Variants in SLC24A3 observed in about 807,000 individuals in gnomAD.
SLC24A3 encodes sodium/potassium/calcium exchanger 3.
SLC24A3 carries 28 observed loss-of-function variants against 75.8 expected under a neutral mutation model. That is an observed-to-expected ratio of 0.37 (90% CI 0.27 to 0.51). The LOEUF is 0.51. SLC24A3 is among the 20% of genes least tolerant of loss of function. The pLI is 0.94. For missense variants in SLC24A3, 663 were observed against 847.8 expected, an observed-to-expected ratio of 0.78 and a Z score of 2.71; for synonymous variants, 372 against 334.1, an observed-to-expected ratio of 1.11 and a Z score of -1.24.
chr20:19,401,602 T>G (rs1450258543), intron 2 of SLC24A3, among the ~76,000 whole-genome samples: 1 of 152,202 alleles, frequency 6.6e-6, no homozygotes, highest in Non-Finnish European at 1.5e-5. Context: ...AGGAACCTGA[T>G]TGGAGAGTGG....
intron 2 of SLC24A3, among the ~76,000 whole-genome samples, chr20:19,382,298 AGT>A (rs991003720): frequency 1.3e-5 from 2 of 152,194 alleles, no homozygotes; most frequent in Admixed American, 1.3e-4. Flanking sequence ...GCATGATCTG[AGT>A]GTGTGAAAAG....
intron 2 of SLC24A3, among the ~76,000 whole-genome samples, chr20:19,371,290 G>A (rs1323338362): frequency 6.6e-6 from 1 of 152,210 alleles, no homozygotes; most frequent in African/African-American, 2.4e-5. Flanking sequence ...TTTCAGCAAA[G>A]AGATACTAAT....
chr20:19,630,450 C>T (rs1260928939), intron 6 of SLC24A3, among the ~76,000 whole-genome samples: 5 of 152,104 alleles, frequency 3.3e-5, no homozygotes, highest in Non-Finnish European at 5.9e-5. Context: ...CTTACACTGA[C>T]CAGGTAACTC....
At chr20:19,462,808 T>C (rs781693541) in intron 2 of SLC24A3, among the ~76,000 whole-genome samples, 3 of 152,188 alleles carry the variant, frequency 2.0e-5, no homozygotes, top group African/African-American at 4.8e-5. Context: ...GGGGGCACCA[T>C]AGACCCCAGC....
At chr20:19,395,353 A>G (rs1012797079) in intron 2 of SLC24A3, among the ~76,000 whole-genome samples, 2 of 152,248 alleles carry the variant, frequency 1.3e-5, no homozygotes, top group Non-Finnish European at 2.9e-5. Flanking sequence ...TTTTATCACA[A>G]TTTTAAAAAG....
At chr20:19,543,236 G>A (rs2030531961) in intron 3 of SLC24A3, among the ~76,000 whole-genome samples, 1 of 152,176 alleles carries the variant, frequency 6.6e-6, no homozygotes, top group Non-Finnish European at 1.5e-5. Context: ...ACAGTACCAG[G>A]AAGTAGCCAC....
intron 2 of SLC24A3, among the ~76,000 whole-genome samples, chr20:19,449,170 C>T (rs944526446): frequency 1.3e-5 from 2 of 152,150 alleles, no homozygotes; most frequent in South Asian, 2.1e-4. Flanking sequence ...CTCAGAGTTA[C>T]GTCTCTGCAG....
At chr20:19,328,023 G>A (rs569157401) in intron 2 of SLC24A3, among the ~76,000 whole-genome samples, 1 of 152,168 alleles carries the variant, frequency 6.6e-6, no homozygotes, top group South Asian at 2.1e-4. Context: ...CAAGTTGGGG[G>A]GAGTTTGGAG....
intron 2 of SLC24A3, among the ~76,000 whole-genome samples, chr20:19,504,388 C>T (rs555450244): frequency 4.6e-5 from 7 of 152,314 alleles, no homozygotes; most frequent in South Asian, 4.1e-4. Flanking sequence ...TTAGCATGCA[C>T]ACTTCACCTT....
intron 2 of SLC24A3, among the ~76,000 whole-genome samples, chr20:19,427,287 A>G (rs1035753945): frequency 6.6e-6 from 1 of 152,222 alleles, no homozygotes; most frequent in East Asian, 1.9e-4. Flanking sequence ...GGATGAGATC[A>G]GTACACACAT....
At chr20:19,485,038 C>T (rs541496804) in intron 2 of SLC24A3, among the ~76,000 whole-genome samples, 7 of 152,284 alleles carry the variant, frequency 4.6e-5, no homozygotes, top group African/African-American at 1.7e-4. Context: ...TTGGCAATAG[C>T]ATGGGACTCA....
chr20:19,334,644 AAGT>A (rs1412079506), intron 2 of SLC24A3, among the ~76,000 whole-genome samples: 2 of 152,228 alleles, frequency 1.3e-5, no homozygotes, highest in Non-Finnish European at 2.9e-5. Flanking sequence ...AAGGCAACCC[AAGT>A]CAAGCCAATT....
At chr20:19,669,703 A>G (rs2032443813) in intron 8 of SLC24A3, among the ~76,000 whole-genome samples, 1 of 151,874 alleles carries the variant, frequency 6.6e-6, no homozygotes, top group Admixed American at 6.6e-5. Context: ...TGGGAGAGAA[A>G]AGAGACCCTG....
intron 10 of SLC24A3, 127 bp from the exon 11 acceptor site, chr20:19,684,049 A>G: frequency 1.9e-6 from 2 of 1,045,088 alleles, no homozygotes; most frequent in East Asian, 2.5e-5. Context: ...GAGTGGATAG[A>G]TGGATGGGTG....
At chr20:19,213,073 C>T in intron 1 of SLC24A3, 89 bp downstream of exon 1, 9 of 1,130,110 alleles carry the variant, frequency 8.0e-6, no homozygotes, top group Non-Finnish European at 8.7e-6. Flanking sequence ...TTCGGGCGGC[C>T]CGGCCGGAGC....
At chr20:19,537,524 T>A (rs2030420601) in intron 3 of SLC24A3, among the ~76,000 whole-genome samples, 1 of 152,212 alleles carries the variant, frequency 6.6e-6, no homozygotes. Context: ...ATCCCATTAC[T>A]GGGCATATAC....
chr20:19,500,567 A>G (rs954623603), intron 2 of SLC24A3, among the ~76,000 whole-genome samples: 4 of 152,214 alleles, frequency 2.6e-5, no homozygotes, highest in African/African-American at 4.8e-5. Flanking sequence ...TCATTTTCTA[A>G]AAGAATTTAT....
intron 3 of SLC24A3, among the ~76,000 whole-genome samples, chr20:19,528,439 T>G (rs1293188916): frequency 6.6e-6 from 1 of 152,208 alleles, no homozygotes; most frequent in Non-Finnish European, 1.5e-5. Flanking sequence ...TTTCTCCCAA[T>G]AATCCCAGAA....
chr20:19,449,002 C>A (rs370754854), intron 2 of SLC24A3, among the ~76,000 whole-genome samples: 1 of 152,298 alleles, frequency 6.6e-6, no homozygotes, highest in African/African-American at 2.4e-5. Context: ...GGGATGGACA[C>A]ATGTAGGGAC....
Sources: allele counts gnomAD v4.1 joint callset (sites outside exome capture counted in the v4.1 genomes callset), GRCh38; gene constraint gnomAD v4.1.1; transcripts MANE v1.5; gene names NCBI Gene and HGNC (gene_info 2026-07-23, HGNC 2026-07-21).